RFX1: variants seen among roughly 807,000 people sequenced by gnomAD.
The protein encoded by RFX1 is MHC class II regulatory factor RFX1.
Under a neutral mutation model 119.6 loss-of-function variants are expected in RFX1, and 42 were observed. That is an observed-to-expected ratio of 0.35 (90% CI 0.27 to 0.45). The LOEUF is 0.45. RFX1 is among the 20% of genes least tolerant of loss of function. The probability of loss-of-function intolerance (pLI) is 1.00; values close to 1 mark genes in which losing one functional copy is unlikely to be tolerated. For synonymous variants in RFX1, 628 were observed against 618.5 expected (o/e 1.02, Z -0.23); for missense variants, 1,118 against 1,368.1 (o/e 0.82, Z 2.88).
chr19:13,972,198 A>ATT (rs763759891), intron 9 of RFX1, among the ~76,000 whole-genome samples: 11 of 133,922 alleles, frequency 8.2e-5, no homozygotes, highest in Non-Finnish European at 8.0e-5. Flanking sequence ...AGTAGACAAC[A>ATT]TTTTTTTTTT....
At chr19:13,975,500 G>C (rs1599487700) in intron 8 of RFX1, among the ~76,000 whole-genome samples, 1 of 152,166 alleles carries the variant, frequency 6.6e-6, no homozygotes, top group African/African-American at 2.4e-5. Context: ...AGGGAGTTGA[G>C]GGGGACAGTG....
In RFX1 at chr19:13,968,547, G is replaced by C. The variant is rs199759676; in HGVS notation, c.1732+18C>G. Reference sequence around the variant, plus strand: ...AGGGAGGCGGTGGTTGGGGAAGCACGGGCCAGGGAGCTCTCACCCAAAAAT... The same window carrying C: ...AGGGAGGCGGTGGTTGGGGAAGCACCGGCCAGGGAGCTCTCACCCAAAAAT... On this transcript the variant is annotated intron_variant, in intron 12 of 20. Transcript: ENST00000254325. The surrounding 1 kb of genome is among the most constrained non-coding windows in gnomAD (Gnocchi z 5.5). The C allele has an allele frequency of 2.9e-5, 46 of 1,592,108 alleles. No individual in the cohort carries two copies. The highest frequency in any genetic ancestry group is 3.8e-5 in the Non-Finnish European group (44 of 1,160,804).
chr19:14,001,795 T>C (rs754479125), intron 1 of RFX1, among the ~76,000 whole-genome samples: 204 of 152,240 alleles, frequency 1.3e-3, no homozygotes, highest in Non-Finnish European at 2.2e-3. Context: ...GAAGTCAGAA[T>C]TTCAAGTCTA....
chr19:14,002,726 C>T (rs1268912717), intron 1 of RFX1, among the ~76,000 whole-genome samples: 3 of 152,186 alleles, frequency 2.0e-5, no homozygotes, highest in Admixed American at 6.5e-5. Context: ...GCCTGGGAAG[C>T]AGGTGGGAGA....
intron 16 of RFX1, among the ~76,000 whole-genome samples, chr19:13,964,604 C>T (rs1973834186): frequency 6.6e-6 from 1 of 152,126 alleles, no homozygotes; most frequent in African/African-American, 2.4e-5. Context: ...GCCTCAGCCT[C>T]CTGGGTAGCT....
At position 13,980,731 on chromosome 19, in the gene RFX1, T is replaced by TGCATCCGCTCTGGGGTGGGCTC; in HGVS notation, c.622-43_622-42insGAGCCCACCCCAGAGCGGATGC. Reference sequence around the variant, plus strand: ...CACAGGAGTGCCGCTGGGGTGGGCTTGCATCCTCTCTGAGGTGGGCTCACA... The same window carrying TGCATCCGCTCTGGGGTGGGCTC: ...CACAGGAGTGCCGCTGGGGTGGGCTTGCATCCGCTCTGGGGTGGGCTCGCATCCTCTCTGAGGTGGGCTCACA... On this transcript the variant is annotated intron_variant, in intron 5 of 20. Transcript: ENST00000254325. The surrounding 1 kb of genome is among the most constrained non-coding windows in gnomAD (Gnocchi z 5.1). The TGCATCCGCTCTGGGGTGGGCTC allele has an allele frequency of 1.7e-6, 2 of 1,201,556 alleles. No homozygotes were observed. The highest frequency in any genetic ancestry group is 2.4e-6 in the Non-Finnish European group (2 of 842,378). 74.4% of individuals were successfully genotyped at this position (1,201,556 alleles called of 1,614,324 possible).
rs1266744346 is a variant in RFX1 at position 13,985,367 on chromosome 19, G to A, written c.320-1772C>T. 1.3e-5 allele frequency among the ~76,000 whole-genome samples: 2 copies of A among 152,134 alleles called. No individual in the cohort carries two copies. The highest frequency in any genetic ancestry group is 1.5e-5 in the Non-Finnish European group (1 of 68,032). On this transcript the variant is annotated intron_variant, in intron 2 of 20. Coordinates refer to ENST00000254325, the MANE Select transcript of RFX1 (RefSeq NM_002918.5). The surrounding 1 kb of genome is among the most constrained non-coding windows in gnomAD (Gnocchi z 4.3). ...AATTTTTGTGGTTTTAGTAGAGACG[G>A]GGTTTTGCCATGTTGGCCAGGCTGC...
At position 13,962,553 on chromosome 19, in the gene RFX1, G is replaced by C. The variant is rs370061444; in HGVS notation, c.*142C>G. On this transcript the variant is annotated 3_prime_UTR_variant, in exon 21 of 21. Transcript: ENST00000254325. Reference sequence around the variant, plus strand: ...CTGATTGTGCCGGCCCCATAAGGGAGGAGGGCCCCGGTCTTCCCTGTCTCG... The same window carrying C: ...CTGATTGTGCCGGCCCCATAAGGGACGAGGGCCCCGGTCTTCCCTGTCTCG... 34 of 665,618 alleles carry C rather than the reference G, an allele frequency of 5.1e-5. No homozygotes were observed. The highest frequency in any genetic ancestry group is 3.1e-5 in the Non-Finnish European group (13 of 413,586). 41.2% of individuals were successfully genotyped at this position (665,618 alleles called of 1,614,324 possible). A position where few individuals can be genotyped will look rare whatever the true frequency, so the allele number is the denominator to read the frequency against.
At chr19:13,977,187 C>T (rs1206073029) in intron 8 of RFX1, among the ~76,000 whole-genome samples, 4 of 149,468 alleles carry the variant, frequency 2.7e-5, no homozygotes, top group African/African-American at 9.9e-5. Flanking sequence ...CCCAGCTACC[C>T]GGGAGGCTGA....
rs151266260 is a variant in RFX1, at chr19:13,966,716, C to G, written c.1768G>C (p.Asp590His). 6.2e-7 allele frequency: 1 copy of G among 1,610,862 alleles called. No homozygotes were observed. The highest frequency in any genetic ancestry group is 8.5e-7 in the Non-Finnish European group (1 of 1,178,888). The change falls in exon 13 of 21, where the codon GAC becomes CAC. Residue 590 changes from aspartate (D) to histidine (H), a missense_variant. By Grantham distance (81) the Asp-to-His change is moderately conservative. Coordinates refer to ENST00000254325, the MANE Select transcript of RFX1 (RefSeq NM_002918.5). The surrounding 1 kb of genome is among the most constrained non-coding windows in gnomAD (Gnocchi z 6.3). Reference sequence around the variant, plus strand: ...TCAGGCAGCACCTTGCCCTGGAGGTCGAGCTCTGTGAAGTCAGGGAGGCTC... The same window carrying G: ...TCAGGCAGCACCTTGCCCTGGAGGTGGAGCTCTGTGAAGTCAGGGAGGCTC... ...SRSLPDFTEL[D>H]LQGKVLPEGV...
Position 13,980,746 on chromosome 19 carries a change from G to T in RFX1, c.622-57C>A. On this transcript the variant is annotated intron_variant, in intron 5 of 20. Transcript: ENST00000254325. The surrounding 1 kb of genome is among the most constrained non-coding windows in gnomAD (Gnocchi z 5.1). ...GGGGTGGGCTTGCATCCTCTCTGAG[G>T]TGGGCTCACACACACACCCTTCTCA... 1 of 1,084,342 alleles carries T rather than the reference G, an allele frequency of 9.2e-7. No individual in the cohort carries two copies. Among genetic ancestry groups the T allele is most frequent in the Non-Finnish European group, 1.4e-6 (1 of 740,216 alleles). The allele number at this position is 1,084,342 out of a possible 1,614,324, so 67.2% of individuals were successfully genotyped here. A position where few individuals can be genotyped will look rare whatever the true frequency, so the allele number is the denominator to read the frequency against.
rs112413477 is a variant in RFX1, at chr19:14,005,042, C to T, written c.-53+1061G>A. ...AAAACATGTGTCTGGCCAAGAGAAG[C>T]GGGTTTAAAAAATCTAAGAAACTTC... On this transcript the variant is annotated intron_variant, in intron 1 of 20. Coordinates refer to ENST00000254325, the MANE Select transcript of RFX1 (RefSeq NM_002918.5). 8.3e-3 allele frequency among the ~76,000 whole-genome samples: 1,261 copies of T among 152,222 alleles called. 7 individuals carry two copies. Among genetic ancestry groups the T allele is most frequent in the Non-Finnish European group, 0.012 (786 of 68,012 alleles).
At chr19:13,987,273 T>G (rs920740705) in intron 2 of RFX1, among the ~76,000 whole-genome samples, 4 of 152,224 alleles carry the variant, frequency 2.6e-5, no homozygotes, top group African/African-American at 9.6e-5. Context: ...CAGGGATTTA[T>G]GGATCTAGTA....
intron 5 of RFX1, 111 bp downstream of exon 5, chr19:13,982,010 G>T (rs202181163): frequency 2.3e-6 from 1 of 431,210 alleles, no homozygotes; most frequent in East Asian, 3.6e-5. Context: ...GACTTTGGAG[G>T]AGCAAGTGGG....
intron 5 of RFX1, among the ~76,000 whole-genome samples, chr19:13,981,367 G>A (rs1329828429): frequency 6.6e-6 from 1 of 152,204 alleles, no homozygotes; most frequent in African/African-American, 2.4e-5. Flanking sequence ...AGGCTGAGGT[G>A]GGCAGATCAC....
rs967523236 is a variant in RFX1, at chr19:14,006,230, G to A, written c.-180C>T. On this transcript the variant is annotated 5_prime_UTR_variant, in exon 1 of 21. Coordinates refer to ENST00000254325, the MANE Select transcript of RFX1 (RefSeq NM_002918.5). ...GGGGGTGGGGGTGGGGGTCGGCCGG[G>A]CGGTTGTTGTTGTTGACTCGCGTTG... 4 of 152,238 alleles carry A rather than the reference G, an allele frequency of 2.6e-5. No individual in the cohort carries two copies. Among genetic ancestry groups the A allele is most frequent in the Admixed American group, 2.0e-4 (3 of 15,274 alleles). 9.4% of individuals were successfully genotyped at this position (152,238 alleles called of 1,614,324 possible).
rs775693470 is a variant in RFX1 at position 13,973,080 on chromosome 19, G to A, written c.977C>T (p.Thr326Met). The A allele has an allele frequency of 4.4e-6, 7 of 1,601,470 alleles. No individual in the cohort carries two copies. In the East Asian group the frequency reaches 6.7e-5, roughly 15 times the overall value. Residue 326 changes from threonine (T) to methionine (M), a missense_variant, in exon 9 of 21, where the codon ACG becomes ATG. Transcript: ENST00000254325. The part of the protein sequence containing the change: ...SYPETPLYTQ[T>M]ASTSYYEAAG... ...GGCCTCGTAGTAGCTGGTGCTTGCC[G>A]TCTGCGTGTACAGCGGCGTCTCGGG...
At position 13,963,490 on chromosome 19, in the gene RFX1, C is replaced by T. The variant is rs760750260; in HGVS notation, c.2570+48G>A. The T allele has an allele frequency of 2.6e-6, 4 of 1,523,814 alleles. No homozygotes were observed. In the Admixed American group the frequency reaches 5.8e-5, roughly 22 times the overall value. The allele number at this position is 1,523,814 out of a possible 1,614,324, so 94.4% of individuals were successfully genotyped here. ...AGAGCACCTGAGACCCCCAGGGACG[C>T]GGGGCCTTCCCTGGTGCCGCCCGGA... On this transcript the variant is annotated intron_variant, in intron 18 of 20. Coordinates refer to ENST00000254325, the MANE Select transcript of RFX1 (RefSeq NM_002918.5).
intron 1 of RFX1, among the ~76,000 whole-genome samples, chr19:13,995,850 C>G (rs1599518362): frequency 1.1e-5 from 1 of 92,760 alleles, no homozygotes; most frequent in Non-Finnish European, 1.9e-5. Context: ...CACTCTGTCT[C>G]CAAAAAAAAA....
Sources: gnomAD v4.1 joint callset for allele counts (sites outside exome capture counted in the v4.1 genomes callset) on GRCh38, gnomAD v4.1.1 for gene constraint, Gnocchi (gnomAD v3.1) non-coding constraint, MANE v1.5 for transcripts, NCBI Gene and HGNC (gene_info 2026-07-23, HGNC 2026-07-21) for gene names.